Variants in PSMC1 observed in about 807,000 individuals in gnomAD.
PSMC1 encodes 26S proteasome regulatory subunit 4.
PSMC1 carries 5 observed loss-of-function variants against 49.8 expected under a neutral mutation model. The observed-to-expected ratio is 0.10, with a 90% CI of 0.05 to 0.21. The LOEUF is 0.21. Among genes scored for constraint, PSMC1 ranks in the 10% least tolerant of loss-of-function variants. The pLI is 1.00. For synonymous variants in PSMC1, 155 were observed against 192.1 expected (o/e 0.81, Z 1.60); for missense variants, 181 against 535.7 (o/e 0.34, Z 6.54).
chr14:90,257,350 G>A (rs1891314933), intron 1 of PSMC1, among the ~76,000 whole-genome samples: 1 of 152,130 alleles, frequency 6.6e-6, no homozygotes, highest in Non-Finnish European at 1.5e-5. Flanking sequence ...CAGGGGTGGG[G>A]TGGTCATTGT....
At chr14:90,259,983 G>A (rs1891365965) in intron 2 of PSMC1, 132 bp from the exon 3 acceptor site, 1 of 540,238 alleles carries the variant, frequency 1.9e-6, no homozygotes, top group East Asian at 3.2e-5. Flanking sequence ...AACAAGTCAG[G>A]TTTTTAATAA....
At chr14:90,262,249 TAACA>T (rs1162718372) in intron 3 of PSMC1, among the ~76,000 whole-genome samples, 3 of 151,336 alleles carry the variant, frequency 2.0e-5, no homozygotes, top group Non-Finnish European at 4.4e-5. Context: ...TATGCATATG[TAACA>T]AACCTGCACG....
rs200254649 is a variant in PSMC1, at chr14:90,265,038, G to C, written c.595-32G>C. 1.0e-4 allele frequency: 149 copies of C among 1,488,424 alleles called. No homozygotes were observed. The African/African-American group carries it at 1.8e-3, about 18-fold the overall frequency. The allele number at this position is 1,488,424 out of a possible 1,614,324, so 92.2% of individuals were successfully genotyped here. The stretch of plus-strand genomic sequence containing the variant: ...ATTAGTAAATATGCTAATAATTTCA[G>C]TAAAGCCTTTCATTCATACTGTTTT... On this transcript the variant is annotated intron_variant, in intron 6 of 10. Transcript: ENST00000261303.
At chr14:90,258,068 T>A (rs1891330012) in intron 1 of PSMC1, among the ~76,000 whole-genome samples, 1 of 152,184 alleles carries the variant, frequency 6.6e-6, no homozygotes, top group Admixed American at 6.5e-5. Context: ...CCATCGTTTT[T>A]TTTCTAGAAC....
In PSMC1 at chr14:90,269,124, GCTCTGCCT is replaced by G. The variant is rs1305148784; in HGVS notation, c.882-271_882-264del. ...TTAGAAGGAACTCATGCTGTATAAG[GCTCTGCCT>G]CATGCCTTTAGCCCTTTCCAAAAGG... On this transcript the variant is annotated intron_variant, in intron 8 of 10. Coordinates refer to ENST00000261303, the MANE Select transcript of PSMC1 (RefSeq NM_002802.3). 1.9e-4 allele frequency: 74 copies of G among 393,354 alleles called. No individual in the cohort carries two copies. In the East Asian group the frequency reaches 3.4e-3, roughly 18 times the overall value. 24.4% of individuals were successfully genotyped at this position (393,354 alleles called of 1,614,324 possible).
chr14:90,264,003 C>G, intron 5 of PSMC1, 38 bp from the exon 6 acceptor site: 2 of 1,590,656 alleles, frequency 1.3e-6, no homozygotes, highest in Non-Finnish European at 1.7e-6. Flanking sequence ...TCCAGCAAAC[C>G]TCACGTTCCT....
chr14:90,271,928 C>T (rs528893135), intron 10 of PSMC1: 40 of 147,374 alleles, frequency 2.7e-4, no homozygotes, highest in African/African-American at 8.7e-4. Context: ...GAGTTTCGCT[C>T]GTTGCTCAGG....
chr14:90,257,667 G>C (rs911592418), intron 1 of PSMC1, among the ~76,000 whole-genome samples: 7 of 152,096 alleles, frequency 4.6e-5, no homozygotes, highest in Non-Finnish European at 1.0e-4. Context: ...GGAGTGCAGT[G>C]GCGCGATCTC....
chr14:90,262,210 A>C (rs1489928723), intron 3 of PSMC1, among the ~76,000 whole-genome samples: 2 of 149,208 alleles, frequency 1.3e-5, no homozygotes, highest in African/African-American at 4.9e-5. Flanking sequence ...TGACGAGTTA[A>C]TGAGTGCAGC....
intron 7 of PSMC1, among the ~76,000 whole-genome samples, chr14:90,266,927 A>G (rs1891532171): frequency 2.6e-5 from 4 of 152,092 alleles, no homozygotes; most frequent in Admixed American, 2.6e-4. Flanking sequence ...ATTTCTGGAA[A>G]GTCTTCCCTG....
At chr14:90,262,517 A>G (rs1891419919) in intron 3 of PSMC1, among the ~76,000 whole-genome samples, 1 of 152,166 alleles carries the variant, frequency 6.6e-6, no homozygotes, top group Admixed American at 6.5e-5. Context: ...ATTTATCTGT[A>G]AAAATGATAC....
At chr14:90,269,361 T>C (rs200776384) in intron 8 of PSMC1, 36 bp from the exon 9 acceptor site, 6 of 1,566,594 alleles carry the variant, frequency 3.8e-6, no homozygotes, top group Non-Finnish European at 4.3e-6. Context: ...GGCGATCAGT[T>C]GAGTCTTCAT....
At position 90,263,334 on chromosome 14, in the gene PSMC1, G is replaced by A. The variant is rs1446548071; in HGVS notation, c.171G>A (p.Gln57=). The A allele has an allele frequency of 6.3e-6, 10 of 1,596,838 alleles. No individual in the cohort carries two copies. The highest frequency in any genetic ancestry group is 8.5e-6 in the Non-Finnish European group (10 of 1,174,454). Residue 57 remains glutamine (Q), a synonymous_variant, in exon 4 of 11, where the codon CAG becomes CAA. Transcript: ENST00000261303. ...SKLPLVTPHT[Q]CRLKLLKLER... ...AAATTTCAGTGACACCTCACACTCA[G>A]TGCCGGTTAAAATTACTGAAGTTAG...
At chr14:90,269,237 T>C (rs1891597896) in intron 8 of PSMC1, 160 bp from the exon 9 acceptor site, 1 of 628,846 alleles carries the variant, frequency 1.6e-6, no homozygotes, top group Admixed American at 3.0e-5. Context: ...TGGCAAGGGG[T>C]GCTGAATTTA....
At position 90,275,204 on chromosome 14, in the gene PSMC1, C is replaced by T. The variant is rs1891777134; in HGVS notation, c.*2797C>T. The T allele has an allele frequency of 6.6e-6, 1 of 152,126 alleles. No individual in the cohort carries two copies. The highest frequency in any genetic ancestry group is 1.5e-5 in the Non-Finnish European group (1 of 68,040). 9.4% of individuals were successfully genotyped at this position (152,126 alleles called of 1,614,324 possible). On this transcript the variant is annotated 3_prime_UTR_variant, in exon 11 of 11. Coordinates refer to ENST00000261303, the MANE Select transcript of PSMC1 (RefSeq NM_002802.3). ...AGAAGGAGACCAAAGAGATGACAAC[C>T]AAGTGCAGCTCCTGCTCCTGAACTG...
At chr14:90,258,490 T>G (rs537635643) in intron 1 of PSMC1, among the ~76,000 whole-genome samples, 2 of 152,338 alleles carry the variant, frequency 1.3e-5, no homozygotes, top group South Asian at 4.1e-4. Context: ...TCTGAGACAT[T>G]GCTCAGTGTT....
chr14:90,271,536 A>T (rs945163858), intron 10 of PSMC1: 4 of 152,240 alleles, frequency 2.6e-5, no homozygotes, highest in Non-Finnish European at 5.9e-5. Context: ...AGATACTGCC[A>T]CTTACAGTAT....
intron 10 of PSMC1, chr14:90,271,005 G>C (rs1473107008): frequency 5.8e-4 from 89 of 152,322 alleles, no homozygotes; most frequent in African/African-American, 1.9e-3. Context: ...AGAACTAGAT[G>C]TCTCTGTTGG....
At chr14:90,271,258 TTTTTTGCCACATCTTG>T in intron 10 of PSMC1, 1 of 152,276 alleles carries the variant, frequency 6.6e-6, no homozygotes, top group East Asian at 1.9e-4. Flanking sequence ...CAGGATTGTG[TTTTTTGCCACATCTTG>T]TTTTTGCCAC....
Sources: allele counts gnomAD v4.1 joint callset (sites outside exome capture counted in the v4.1 genomes callset), GRCh38; gene constraint gnomAD v4.1.1; transcripts MANE v1.5; gene names NCBI Gene and HGNC (gene_info 2026-07-23, HGNC 2026-07-21).